Variants in AR observed in about 807,000 individuals in gnomAD.
The protein encoded by AR is dihydrotestosterone receptor.
AR carries 8 observed loss-of-function variants against 53.9 expected under a neutral mutation model. The ratio of observed to expected loss-of-function variants is 0.15; its 90% CI spans 0.09 to 0.27. AR has a LOEUF of 0.27. AR is among the 10% of genes least tolerant of loss of function. The pLI is 1.00. For missense variants in AR, 639 were observed against 742.5 expected (o/e 0.86, Z 1.62); for synonymous variants, 359 against 316.4 (o/e 1.13, Z -1.43).
chrX:67,711,042 G>T (rs1166221796), intron 3 of AR, among the ~76,000 whole-genome samples: 1 of 112,029 alleles, frequency 8.9e-6, no homozygotes, highest in Admixed American at 9.5e-5. Context: ...GATATCTGCT[G>T]AATGAATGAA....
intron 2 of AR, among the ~76,000 whole-genome samples, chrX:67,676,758 G>T (rs775535486): frequency 2.7e-5 from 3 of 111,290 alleles, no homozygotes; most frequent in Admixed American, 1.9e-4. Context: ...TGATATTATC[G>T]GAATGAATTT....
At chrX:67,684,076 G>C in intron 2 of AR, among the ~76,000 whole-genome samples, 1 of 111,390 alleles carries the variant, frequency 9.0e-6, no homozygotes. Context: ...TCTAACCTAA[G>C]CTTATTTCAG....
chrX:67,710,216 G>A (rs1602271548), intron 3 of AR, among the ~76,000 whole-genome samples: 1 of 111,746 alleles, frequency 8.9e-6, no homozygotes, highest in Non-Finnish European at 1.9e-5. Flanking sequence ...TCTTTCCCTA[G>A]CAATCGGCTA....
chrX:67,670,945 T>C lies in AR; in HGVS notation c.1769-15065T>C, dbSNP rs769956944. 1.4e-3 allele frequency among the ~76,000 whole-genome samples: 152 copies of C among 112,007 alleles called. 1 individual carries two copies. The highest frequency in any genetic ancestry group is 2.3e-3 in the Non-Finnish European group (123 of 53,220). ...AAGGACATGAACTCATCCTTTTTGA[T>C]GGCTGCATAGTATTCCATGGTGTAT... On this transcript the variant is annotated intron_variant, in intron 2 of 7. Transcript: ENST00000374690.
At chrX:67,561,619 G>A (rs1305546005) in intron 1 of AR, among the ~76,000 whole-genome samples, 1 of 111,486 alleles carries the variant, frequency 9.0e-6, no homozygotes, top group African/African-American at 3.3e-5. Context: ...TGGGAGTGGG[G>A]GAATGGAACC....
intron 2 of AR, among the ~76,000 whole-genome samples, chrX:67,677,871 T>A (rs1307597829): frequency 9.0e-6 from 1 of 110,981 alleles, no homozygotes; most frequent in African/African-American, 3.3e-5. Context: ...AAAGGACTCC[T>A]AATTTTTCTT....
chrX:67,705,422 T>A (rs1306513649), intron 3 of AR, among the ~76,000 whole-genome samples: 2 of 111,407 alleles, frequency 1.8e-5, no homozygotes, highest in African/African-American at 6.5e-5. Flanking sequence ...TGAATGGGAG[T>A]TCACTCATGA....
chrX:67,595,987 T>C (rs1461809847), intron 1 of AR, among the ~76,000 whole-genome samples: 1 of 110,791 alleles, frequency 9.0e-6, no homozygotes, highest in Admixed American at 9.6e-5. Flanking sequence ...GATTGGATCA[T>C]GAGGGCAGTT....
intron 2 of AR, among the ~76,000 whole-genome samples, chrX:67,679,432 T>G (rs2075919912): frequency 8.9e-6 from 1 of 111,844 alleles, no homozygotes; most frequent in Non-Finnish European, 1.9e-5. Flanking sequence ...TTCAAATGTT[T>G]CCAACTTTTT....
chrX:67,695,288 C>CA (rs745862339), intron 3 of AR: 2 of 752,349 alleles, frequency 2.7e-6, no homozygotes, highest in East Asian at 3.1e-4. Context: ...ATCTTAGCCT[C>CA]AGGCCCTGTC....
intron 1 of AR, among the ~76,000 whole-genome samples, chrX:67,564,407 C>T (rs770040823): frequency 6.3e-5 from 7 of 111,520 alleles, no homozygotes; most frequent in Non-Finnish European, 1.3e-4. Flanking sequence ...CTTTGAACTC[C>T]TCAGTGTATA....
intron 1 of AR, among the ~76,000 whole-genome samples, chrX:67,630,319 C>T: frequency 9.0e-6 from 1 of 111,374 alleles, no homozygotes; most frequent in East Asian, 2.8e-4. Context: ...AATCTGGGTG[C>T]TCCTGTATTG....
rs1444239622 is a variant in AR at position 67,726,395 on chromosome X, A to G, written c.*2554A>G. The G allele has an allele frequency of 1.2e-5, 2 of 173,696 alleles. No homozygotes were observed. The highest frequency in any genetic ancestry group is 2.9e-5 in the African/African-American group (1 of 34,035). The allele number at this position is 173,696 out of a possible 1,213,427, so 14.3% of individuals were successfully genotyped here. On this transcript the variant is annotated 3_prime_UTR_variant, in exon 8 of 8. Transcript: ENST00000374690. ...TTACATCTGTTTTGGAATGATTTTCATCTTTTGTGATACACAGATTGAATT... is the reference window on the plus strand; with the variant it reads ...TTACATCTGTTTTGGAATGATTTTCGTCTTTTGTGATACACAGATTGAATT...
intron 1 of AR, among the ~76,000 whole-genome samples, chrX:67,613,739 TA>T (rs747666140): frequency 8.9e-6 from 1 of 112,023 alleles, no homozygotes; most frequent in Non-Finnish European, 1.9e-5. Flanking sequence ...CTACATTTTC[TA>T]AATGTTATGC....
intron 1 of AR, among the ~76,000 whole-genome samples, chrX:67,626,725 C>T (rs1924674975): frequency 1.0e-5 from 1 of 99,651 alleles, no homozygotes. Context: ...AGGTGCGCTG[C>T]ACCCACTAAC....
intron 3 of AR, among the ~76,000 whole-genome samples, chrX:67,688,985 T>A (rs1279443949): frequency 1.8e-5 from 2 of 111,647 alleles, no homozygotes; most frequent in Non-Finnish European, 3.8e-5. Context: ...TATAATTTTA[T>A]CTTCTGATTC....
intron 6 of AR, 32 bp from the exon 7 acceptor site, chrX:67,722,795 C>T (rs2076141460): frequency 1.7e-6 from 2 of 1,205,814 alleles, no homozygotes; most frequent in African/African-American, 3.5e-5. Context: ...GGGCATGCTT[C>T]CCCTCCCCAT....
chrX:67,609,654 C>T (rs1923787416), intron 1 of AR, among the ~76,000 whole-genome samples: 1 of 110,868 alleles, frequency 9.0e-6, no homozygotes, highest in African/African-American at 3.3e-5. Context: ...TGTATATTTG[C>T]ACCTTTGCCC....
At chrX:67,624,937 AAG>A (rs1414567669) in intron 1 of AR, among the ~76,000 whole-genome samples, 1 of 105,418 alleles carries the variant, frequency 9.5e-6, no homozygotes, top group African/African-American at 3.4e-5. Context: ...AAAAAAAAGA[AAG>A]AGGTAAAAGG....
Sources: allele counts gnomAD v4.1 joint callset (sites outside exome capture counted in the v4.1 genomes callset), GRCh38; gene constraint gnomAD v4.1.1; transcripts MANE v1.5; gene names NCBI Gene and HGNC (gene_info 2026-07-23, HGNC 2026-07-21).